The following NBPF14 variants were observed in gnomAD, a reference collection of about 807,000 sequenced individuals.
NBPF14 encodes NBPF family member NBPF14.
A neutral mutation model predicts 91.2 loss-of-function variants in NBPF14; 104 were observed. The ratio of observed to expected loss-of-function variants is 1.14; its 90% CI spans 0.97 to 1.34. NBPF14 has a LOEUF of 1.34. Among genes scored for constraint, NBPF14 ranks in the 40% most tolerant of loss-of-function variants. The pLI, the probability that NBPF14 is intolerant of heterozygous loss-of-function variation, is 0.00. For missense variants in NBPF14, 908 were observed against 783.0 expected (o/e 1.16, Z -1.91); for synonymous variants, 294 against 303.8 (o/e 0.97, Z 0.34).
intron 37 of NBPF14, among the ~76,000 whole-genome samples, 158 bp from the exon 38 acceptor site, chr1:148,559,230 C>A (rs201944658): frequency 1.0e-4 from 12 of 115,526 alleles, no homozygotes; most frequent in Non-Finnish European, 1.8e-4. Context: ...GGCTGATCAC[C>A]ATAGAGATTC....
intron 8 of NBPF14, among the ~76,000 whole-genome samples, chr1:148,586,680 G>A (rs1448402831): frequency 9.6e-4 from 141 of 147,028 alleles, no homozygotes; most frequent in African/African-American, 3.2e-3. Context: ...CAAGATCCTC[G>A]ATGATGTTCC....
Position 148,589,872 on chromosome 1 carries a change from A to G in NBPF14, c.779-479T>C, listed in dbSNP as rs1662164200. On this transcript the variant is annotated intron_variant, in intron 6 of 70. Coordinates refer to ENST00000619423, the Ensembl canonical transcript of NBPF14. ...CTCAGCCTGCCAAGCATCTGGGATT[A>G]CAAGCGCCAAGTAACATGCCAGCTA... Among the ~76,000 whole-genome samples the G allele has an allele frequency of 4.1e-5, 6 of 147,756 alleles. No individual in the cohort carries two copies. In the South Asian group the frequency reaches 1.3e-3, roughly 33 times the overall value.
chr1:148,579,164 G>A, exon 13 of NBPF14: 2 of 461,184 alleles, frequency 4.3e-6, no homozygotes, highest in Non-Finnish European at 7.4e-6. Flanking sequence ...ATTTCAGGAG[G>A]AATTGAGAGA....
intron 2 of NBPF14, among the ~76,000 whole-genome samples, chr1:148,595,212 T>C (rs1377756528): frequency 6.8e-6 from 1 of 147,628 alleles, no homozygotes; most frequent in Non-Finnish European, 1.5e-5. Context: ...TAGATGTTAT[T>C]TGTCTGCAGG....
intron 2 of NBPF14, among the ~76,000 whole-genome samples, chr1:148,593,934 G>C (rs1662902024): frequency 6.7e-6 from 1 of 149,964 alleles, no homozygotes; most frequent in African/African-American, 2.4e-5. Flanking sequence ...AAGTTGACAA[G>C]ATGATTCAAC....
At chr1:148,566,511 AC>A (rs1658365258) in intron 28 of NBPF14, among the ~76,000 whole-genome samples, 196 bp from the exon 29 acceptor site, 2 of 45,004 alleles carry the variant, frequency 4.4e-5, no homozygotes, top group African/African-American at 8.2e-4. Context: ...AAAGACAGAC[AC>A]ACACACACAC....
At chr1:148,572,518 C>A in exon 21 of NBPF14, 2 of 614,030 alleles carry the variant, frequency 3.3e-6, no homozygotes, top group South Asian at 1.6e-5. Context: ...TGGCCTAAGT[C>A]AGGCAGTTCA....
Position 148,533,799 on chromosome 1 carries a change from C to A in NBPF14, c.8723+62G>T, listed in dbSNP as rs1269375491. 8 of 765,906 alleles carry A rather than the reference C, an allele frequency of 1.0e-5. 1 individual carries two copies. The highest frequency in any genetic ancestry group is 1.0e-4 in the Admixed American group (6 of 58,374). 47.4% of individuals were successfully genotyped at this position (765,906 alleles called of 1,614,324 possible). A position where few individuals can be genotyped will look rare whatever the true frequency, so the allele number is the denominator to read the frequency against. Reference sequence around the variant, plus strand: ...ATGACATCAAACACACTCTGGTTTCCCTGAATCTGTTGCCTCCAGGAGTTA... The same window carrying A: ...ATGACATCAAACACACTCTGGTTTCACTGAATCTGTTGCCTCCAGGAGTTA... On this transcript the variant is annotated intron_variant, in intron 70 of 70. Coordinates refer to ENST00000619423, the Ensembl canonical transcript of NBPF14.
rs1463739495 is a variant in NBPF14, at chr1:148,593,534, G to C, written c.278+64C>G. ...AGCTTCGTTCTTACTTCTCCCCGCC[G>C]AGCTGCTGTACTTCAGAGATCTACA... On this transcript the variant is annotated intron_variant, in intron 3 of 70. Coordinates refer to ENST00000619423, the Ensembl canonical transcript of NBPF14. 3.5e-5 allele frequency: 44 copies of C among 1,265,676 alleles called. 1 individual carries two copies. The Admixed American group carries it at 6.4e-4, about 18-fold the overall frequency. The allele number at this position is 1,265,676 out of a possible 1,614,324, so 78.4% of individuals were successfully genotyped here.
At chr1:148,576,116 G>T (rs1457208558) in intron 16 of NBPF14, among the ~76,000 whole-genome samples, 1 of 128,002 alleles carries the variant, frequency 7.8e-6, no homozygotes, top group Non-Finnish European at 1.6e-5. Context: ...GACACACAGC[G>T]AACAGTGATC....
chr1:148,533,736 G>C, intron 70 of NBPF14, 125 bp downstream of exon 70: 2 of 748,292 alleles, frequency 2.7e-6, no homozygotes, highest in Middle Eastern at 7.4e-4. Context: ...AAAACCAACA[G>C]CAATGACAGT....
intron 12 of NBPF14, among the ~76,000 whole-genome samples, chr1:148,581,821 C>T (rs1440472841): frequency 6.7e-6 from 1 of 149,610 alleles, no homozygotes; most frequent in African/African-American, 2.5e-5. Flanking sequence ...TCACACATAA[C>T]AATATTAACC....
At chr1:148,559,366 GC>G (rs1183996349) in intron 37 of NBPF14, among the ~76,000 whole-genome samples, 3 of 131,502 alleles carry the variant, frequency 2.3e-5, no homozygotes, top group Non-Finnish European at 4.5e-5. Flanking sequence ...TAAAGCAATT[GC>G]CCCCAAATGG....
intron 37 of NBPF14, among the ~76,000 whole-genome samples, chr1:148,559,450 C>T (rs1188019888): frequency 5.3e-5 from 7 of 132,522 alleles, no homozygotes; most frequent in Non-Finnish European, 1.1e-4. Flanking sequence ...GCGAGGATTT[C>T]AGACGCTGAA....
At chr1:148,556,777 G>C in exon 41 of NBPF14, 1 of 187,106 alleles carries the variant, frequency 5.3e-6, no homozygotes, top group South Asian at 3.9e-5. Context: ...GGCTGTTCAA[G>C]ACAACTGGAA....
intron 69 of NBPF14, among the ~76,000 whole-genome samples, chr1:148,534,251 G>A (rs1474225191): frequency 1.8e-4 from 27 of 151,296 alleles, no homozygotes; most frequent in Admixed American, 6.0e-4. Context: ...TCCAATCAAC[G>A]TAAAGCAAAT....
At chr1:148,561,849 C>G (rs376758020) in intron 34 of NBPF14, among the ~76,000 whole-genome samples, 4 of 132,610 alleles carry the variant, frequency 3.0e-5, no homozygotes, top group South Asian at 2.4e-4. Flanking sequence ...AGAGAGAGAA[C>G]GAGCTCAGTG....
chr1:148,559,317 G>A (rs1228591663), intron 37 of NBPF14, among the ~76,000 whole-genome samples: 1 of 124,350 alleles, frequency 8.0e-6, no homozygotes, highest in Admixed American at 7.8e-5. Context: ...TTTGTCCCAA[G>A]TTTGTGCAAA....
At position 148,571,299 on chromosome 1, in the gene NBPF14, C is replaced by CTCAGTGAA. The variant is rs1208199950; in HGVS notation, c.2811-270_2811-263dup. On this transcript the variant is annotated intron_variant, in intron 22 of 70. Coordinates refer to ENST00000619423, the Ensembl canonical transcript of NBPF14. ...CAGAGAGAGAGAGAGAGAGAACGAG[C>CTCAGTGAA]TCAGTGAATTGTCCAGGTGACACAC... Among the ~76,000 whole-genome samples, 13 of 83,856 alleles carry CTCAGTGAA rather than the reference C, an allele frequency of 1.6e-4. No homozygotes were observed. The South Asian group carries it at 5.2e-3, about 33-fold the overall frequency. 55.0% of individuals were successfully genotyped at this position (83,856 alleles called of 152,430 possible). A position where few individuals can be genotyped will look rare whatever the true frequency, so the allele number is the denominator to read the frequency against.
Sources: allele counts gnomAD v4.1 joint callset (sites outside exome capture counted in the v4.1 genomes callset), GRCh38; gene constraint gnomAD v4.1.1; transcripts MANE v1.5; gene names NCBI Gene and HGNC (gene_info 2026-07-23, HGNC 2026-07-21).